Variants in RREB1 observed in about 807,000 individuals in gnomAD.
RREB1 encodes ras responsive element binding protein 1, also known as ras-responsive element-binding protein 1.
Under a neutral mutation model 117.8 loss-of-function variants are expected in RREB1, and 27 were observed. That is an observed-to-expected ratio of 0.23 (90% CI 0.17 to 0.32). RREB1 has a LOEUF of 0.32. Among genes scored for constraint, RREB1 ranks in the 10% least tolerant of loss-of-function variants. The probability of loss-of-function intolerance (pLI) is 1.00; values close to 1 mark genes in which losing one functional copy is unlikely to be tolerated. For missense variants in RREB1, 2,577 were observed against 2,378.2 expected (o/e 1.08, Z -1.74); for synonymous variants, 1,298 against 1,026.7 (o/e 1.26, Z -5.05).
chr6:7,211,978 A>C, intron 8 of RREB1: 1 of 440,708 alleles, frequency 2.3e-6, no homozygotes, highest in Non-Finnish European at 4.1e-6. Context: ...GCCCCTGAAC[A>C]CTGGGGAGTC....
chr6:7,228,184 A>G (rs1382817810), intron 9 of RREB1, among the ~76,000 whole-genome samples: 1 of 152,160 alleles, frequency 6.6e-6, no homozygotes, highest in Non-Finnish European at 1.5e-5. Flanking sequence ...TGTTCCATAT[A>G]CACACACCCA....
chr6:7,240,009 T>C lies in RREB1; in HGVS notation c.3809-429T>C, dbSNP rs372820433. Among the ~76,000 whole-genome samples the C allele has an allele frequency of 1.4e-4, 22 of 152,344 alleles. No individual in the cohort carries two copies. The South Asian group carries it at 2.3e-3, about 16-fold the overall frequency. On this transcript the variant is annotated intron_variant, in intron 10 of 12. Transcript: ENST00000379938. ...CCCAAAGATACCCAGGGGTTCCCCATTGGATTTCCTAGTGTCCATATTACG... is the reference window on the plus strand; with the variant it reads ...CCCAAAGATACCCAGGGGTTCCCCACTGGATTTCCTAGTGTCCATATTACG...
chr6:7,157,206 C>A (rs1425345921), intron 1 of RREB1, among the ~76,000 whole-genome samples: 1 of 152,078 alleles, frequency 6.6e-6, no homozygotes, highest in Non-Finnish European at 1.5e-5. Context: ...CAGAGGCAGG[C>A]AGATGGCTTG....
chr6:7,177,327 G>T (rs776118006), intron 2 of RREB1, among the ~76,000 whole-genome samples: 2 of 149,618 alleles, frequency 1.3e-5, no homozygotes, highest in Admixed American at 6.7e-5. Context: ...CCAAGGGTTC[G>T]TCTCAGGAAG....
At chr6:7,179,705 A>T (rs1764691089) in intron 2 of RREB1, among the ~76,000 whole-genome samples, 1 of 152,196 alleles carries the variant, frequency 6.6e-6, no homozygotes, top group African/African-American at 2.4e-5. Context: ...ACACTCATGT[A>T]TGCACTTTGT....
At chr6:7,108,906 C>G (rs1760985780) in intron 1 of RREB1, among the ~76,000 whole-genome samples, 1 of 151,276 alleles carries the variant, frequency 6.6e-6, no homozygotes, top group Admixed American at 6.6e-5. Flanking sequence ...CCCGGGGGGC[C>G]TGGGGAGGAG....
rs200281368 is a variant in RREB1, at chr6:7,230,871, C to T, written c.2772C>T (p.Ser924=). ...ACATCTCCTTTCTGAGCCCTTCTTCCCTGGTCCCCTATGACTGCTCCATGG... is the reference window on the plus strand; with the variant it reads ...ACATCTCCTTTCTGAGCCCTTCTTCTCTGGTCCCCTATGACTGCTCCATGG... ...QENISFLSPS[S]LVPYDCSMEP... The change falls in exon 10 of 13, where the codon TCC becomes TCT. Residue 924 remains serine (S), a synonymous_variant. Coordinates refer to ENST00000379938, the MANE Select transcript of RREB1 (RefSeq NM_001003699.4). 2.4e-5 allele frequency: 39 copies of T among 1,614,230 alleles called. No individual in the cohort carries two copies. In the South Asian group the frequency reaches 2.7e-4, roughly 11 times the overall value.
At chr6:7,168,686 C>T (rs1452326625) in intron 1 of RREB1, among the ~76,000 whole-genome samples, 1 of 152,232 alleles carries the variant, frequency 6.6e-6, no homozygotes, top group Non-Finnish European at 1.5e-5. Context: ...ACCAGTCCTG[C>T]AGCTTTTGTA....
At chr6:7,200,746 A>G (rs1393190011) in intron 6 of RREB1, among the ~76,000 whole-genome samples, 1 of 152,224 alleles carries the variant, frequency 6.6e-6, no homozygotes, top group Non-Finnish European at 1.5e-5. Context: ...TTAAGCAACA[A>G]TCAAGCCTTT....
At chr6:7,195,927 C>T (rs920728960) in intron 6 of RREB1, among the ~76,000 whole-genome samples, 2 of 152,196 alleles carry the variant, frequency 1.3e-5, no homozygotes, top group African/African-American at 2.4e-5. Flanking sequence ...CCCTCTGCTG[C>T]GGCATGATTC....
At chr6:7,126,304 T>C (rs910121572) in intron 1 of RREB1, among the ~76,000 whole-genome samples, 8 of 147,722 alleles carry the variant, frequency 5.4e-5, no homozygotes, top group African/African-American at 1.3e-4. Flanking sequence ...CCGGCCTCGA[T>C]TCCCCCCCGA....
chr6:7,192,712 G>A (rs1177592434), intron 6 of RREB1, among the ~76,000 whole-genome samples: 1 of 152,006 alleles, frequency 6.6e-6, no homozygotes, highest in African/African-American at 2.4e-5. Context: ...CTAAACATTT[G>A]TAAATTTTAT....
At chr6:7,248,353 C>T (rs1720008009) in intron 12 of RREB1, among the ~76,000 whole-genome samples, 158 bp from the exon 13 acceptor site, 1 of 152,198 alleles carries the variant, frequency 6.6e-6, no homozygotes, top group Admixed American at 6.5e-5. Context: ...CTTGTCCGTC[C>T]TCAGTTTGCT....
intron 8 of RREB1, chr6:7,212,583 G>C (rs137898079): frequency 6.6e-6 from 1 of 152,354 alleles, no homozygotes; most frequent in Admixed American, 6.5e-5. Flanking sequence ...GTCGTTGAGA[G>C]ACTTGAAAGT....
Position 7,246,743 on chromosome 6 carries a change from G to A in RREB1, c.4293G>A (p.Glu1431=). The A allele has an allele frequency of 6.4e-7, 1 of 1,573,710 alleles. No individual in the cohort carries two copies. Among genetic ancestry groups the A allele is most frequent in the Non-Finnish European group, 8.6e-7 (1 of 1,160,184 alleles). The change falls in exon 12 of 13, where the codon GAG becomes GAA. Residue 1431 remains glutamate (E), a synonymous_variant. Coordinates refer to ENST00000379938, the MANE Select transcript of RREB1 (RefSeq NM_001003699.4). ...ATKLMDFKLA[E]GDGEAGAGGA... ...AGCTCATGGACTTCAAGCTGGCGGA[G>A]GGCGACGGCGAGGCAGGCGCCGGGG...
intron 4 of RREB1, among the ~76,000 whole-genome samples, chr6:7,186,335 A>C (rs930580145): frequency 6.6e-6 from 1 of 152,152 alleles, no homozygotes; most frequent in African/African-American, 2.4e-5. Context: ...GGCACATATC[A>C]CCATCATCTG....
At chr6:7,136,113 A>G (rs1237096402) in intron 1 of RREB1, among the ~76,000 whole-genome samples, 4 of 152,174 alleles carry the variant, frequency 2.6e-5, no homozygotes, top group Non-Finnish European at 4.4e-5. Context: ...TTTTGATGGA[A>G]CTGACCTCAC....
chr6:7,182,480 G>C (rs571243204), intron 4 of RREB1, among the ~76,000 whole-genome samples: 1 of 152,262 alleles, frequency 6.6e-6, no homozygotes, highest in East Asian at 1.9e-4. Flanking sequence ...TAGGGCTGCC[G>C]TTCAGCTTTC....
intron 1 of RREB1, among the ~76,000 whole-genome samples, chr6:7,114,472 G>C (rs1017191247): frequency 2.0e-5 from 3 of 151,724 alleles, no homozygotes; most frequent in African/African-American, 4.9e-5. Context: ...TTCTGGTGGG[G>C]GGGGGGGCGG....
Sources: allele counts gnomAD v4.1 joint callset (sites outside exome capture counted in the v4.1 genomes callset), GRCh38; gene constraint gnomAD v4.1.1; transcripts MANE v1.5; gene names NCBI Gene and HGNC (gene_info 2026-07-23, HGNC 2026-07-21).